Variants in LSM12 observed in about 807,000 individuals in gnomAD.
LSM12 encodes the protein protein LSM12.
For missense variants in LSM12, 108 were observed against 238.9 expected, an observed-to-expected ratio of 0.45 and a Z score of 3.61; for synonymous variants, 74 against 87.3, an observed-to-expected ratio of 0.85 and a Z score of 0.85.
chr17:44,056,140 G>A (rs1041276885), intron 2 of LSM12, among the ~76,000 whole-genome samples: 3 of 151,950 alleles, frequency 2.0e-5, no homozygotes, highest in African/African-American at 7.2e-5. Flanking sequence ...GGGCATGCTG[G>A]TGCATGCCTG....
intron 4 of LSM12, 162 bp downstream of exon 4, chr17:44,037,250 G>C: frequency 1.3e-6 from 1 of 743,456 alleles, no homozygotes; most frequent in South Asian, 2.8e-5. Flanking sequence ...ATTCCCACAG[G>C]ACTGCAGAAC....
chr17:44,061,495 T>C (rs906332018), intron 2 of LSM12, among the ~76,000 whole-genome samples: 1 of 152,140 alleles, frequency 6.6e-6, no homozygotes, highest in African/African-American at 2.4e-5. Flanking sequence ...ACAACACCCA[T>C]ATGAACTCAA....
intron 2 of LSM12, among the ~76,000 whole-genome samples, chr17:44,053,981 G>A (rs2049678569): frequency 2.0e-5 from 3 of 152,260 alleles, no homozygotes; most frequent in South Asian, 4.1e-4. Context: ...GTTTTGAACT[G>A]TCTCCACGTC....
chr17:44,037,162 C>G (rs2049427087), intron 4 of LSM12: 1 of 361,184 alleles, frequency 2.8e-6, no homozygotes, highest in African/African-American at 2.1e-5. Context: ...TACCATGGAA[C>G]AGTCTTCCTA....
chr17:44,045,142 C>T (rs556406143), intron 2 of LSM12, among the ~76,000 whole-genome samples: 49 of 152,232 alleles, frequency 3.2e-4, no homozygotes, highest in African/African-American at 1.1e-3. Context: ...ATTCTCCTGC[C>T]TCAGCCTCCC....
chr17:44,048,018 AACACACACACACACAC>A lies in LSM12; in HGVS notation c.259-7778_259-7763del, dbSNP rs57164806. Among the ~76,000 whole-genome samples the A allele has an allele frequency of 5.9e-3, 808 of 137,480 alleles. 8 individuals carry two copies. Among genetic ancestry groups the A allele is most frequent in the African/African-American group, 0.019 (697 of 37,548 alleles). 90.2% of individuals were successfully genotyped at this position (137,480 alleles called of 152,430 possible). On this transcript the variant is annotated intron_variant, in intron 2 of 4. Coordinates refer to ENST00000293406, the MANE Select transcript of LSM12 (RefSeq NM_001371445.1). ...GACAACATAGACAGTGTCCGTATTA[AACACACACACACACAC>A]ACACACACACACACACACACACACA...
chr17:44,063,244 A>C (rs1168225208), intron 2 of LSM12, among the ~76,000 whole-genome samples: 2 of 152,154 alleles, frequency 1.3e-5, no homozygotes, highest in African/African-American at 4.8e-5. Flanking sequence ...TACACACACA[A>C]AAGTGACTTG....
At chr17:44,041,334 AACAC>A (rs1389054042) in intron 2 of LSM12, among the ~76,000 whole-genome samples, 11 of 104,546 alleles carry the variant, frequency 1.1e-4, no homozygotes, top group Admixed American at 9.7e-4. Flanking sequence ...CACACACACA[AACAC>A]ACACACACAC....
intron 2 of LSM12, among the ~76,000 whole-genome samples, chr17:44,050,064 G>A (rs2049622428): frequency 6.6e-6 from 1 of 152,162 alleles, no homozygotes; most frequent in Non-Finnish European, 1.5e-5. Flanking sequence ...CCTATGTTTT[G>A]AATCTGGGGT....
At chr17:44,050,990 G>A (rs764699379) in intron 2 of LSM12, among the ~76,000 whole-genome samples, 8 of 152,058 alleles carry the variant, frequency 5.3e-5, no homozygotes, top group South Asian at 2.1e-4. Context: ...AATTAGCTGG[G>A]GGGCTGGACG....
intron 4 of LSM12, 139 bp from the exon 5 acceptor site, chr17:44,036,439 T>A: frequency 8.9e-7 from 1 of 1,126,492 alleles, no homozygotes; most frequent in South Asian, 1.5e-5. Context: ...TTGCTGTCTA[T>A]TGGCCTTCCC....
At chr17:44,055,714 A>G (rs996873387) in intron 2 of LSM12, among the ~76,000 whole-genome samples, 3 of 145,342 alleles carry the variant, frequency 2.1e-5, no homozygotes, top group African/African-American at 7.5e-5. Flanking sequence ...AATATATAAA[A>G]TATATATAAA....
rs576720575 is a variant in LSM12 at position 44,052,642 on chromosome 17, C to G, written c.258+11159G>C. 4.1e-4 allele frequency among the ~76,000 whole-genome samples: 63 copies of G among 151,938 alleles called. 1 individual carries two copies. The highest frequency in any genetic ancestry group is 1.5e-3 in the African/African-American group (61 of 41,468). On this transcript the variant is annotated intron_variant, in intron 2 of 4. Coordinates refer to ENST00000293406, the MANE Select transcript of LSM12 (RefSeq NM_001371445.1). ...GGCATGGTGGCGGGTACCTGTAATC[C>G]CAGCTACTTGGGAGGCTGAGGCAGG...
At chr17:44,065,162 C>A (rs1177739484) in intron 1 of LSM12, among the ~76,000 whole-genome samples, 4 of 151,448 alleles carry the variant, frequency 2.6e-5, no homozygotes, top group Non-Finnish European at 4.4e-5. Flanking sequence ...AAAAGCCGGG[C>A]GGTGGCTCAG....
At position 44,060,058 on chromosome 17, in the gene LSM12, G is replaced by A. The variant is rs779779590; in HGVS notation, c.258+3743C>T. 4.6e-5 allele frequency among the ~76,000 whole-genome samples: 7 copies of A among 152,114 alleles called. 1 individual carries two copies. The highest frequency in any genetic ancestry group is 8.8e-5 in the Non-Finnish European group (6 of 68,016). ...CGGGCGCCTGTAGTCCCAGCTACTC[G>A]GGAGGCTGAGGCAGGAGAATGGCAT... On this transcript the variant is annotated intron_variant, in intron 2 of 4. Transcript: ENST00000293406.
At position 44,034,747 on chromosome 17, in the gene LSM12, A is replaced by G. The variant is rs1462216743; in HGVS notation, c.*1461T>C. 7.5e-6 allele frequency: 1 copy of G among 133,532 alleles called. No individual in the cohort carries two copies. The highest frequency in any genetic ancestry group is 1.6e-5 in the Non-Finnish European group (1 of 62,996). 8.3% of individuals were successfully genotyped at this position (133,532 alleles called of 1,614,324 possible). A position where few individuals can be genotyped will look rare whatever the true frequency, so the allele number is the denominator to read the frequency against. ...TAATTTGATCCATTTATTTAATTAA[A>G]AAAAAAAGGAAGGGGAAAGAGATCA... is the stretch of plus-strand genomic sequence containing the variant. On this transcript the variant is annotated 3_prime_UTR_variant, in exon 5 of 5. Transcript: ENST00000293406.
rs113543595 is a variant in LSM12 at position 44,050,516 on chromosome 17, AT to A, written c.259-10261del. Among the ~76,000 whole-genome samples the A allele has an allele frequency of 4.6e-3, 644 of 139,466 alleles. 2 individuals carry two copies. Among genetic ancestry groups the A allele is most frequent in the African/African-American group, 8.7e-3 (331 of 38,152 alleles). The allele number at this position is 139,466 out of a possible 152,430, so 91.5% of individuals were successfully genotyped here. On this transcript the variant is annotated intron_variant, in intron 2 of 4. Coordinates refer to ENST00000293406, the MANE Select transcript of LSM12 (RefSeq NM_001371445.1). The stretch of plus-strand genomic sequence containing the variant: ...CCTAGCTGAAAGCTTGTGCCTGAAC[AT>A]TTTTTTTTTTTTTGAGATGGAGTCT...
chr17:44,046,816 C>T (rs1414151916), intron 2 of LSM12, among the ~76,000 whole-genome samples: 5 of 145,962 alleles, frequency 3.4e-5, no homozygotes, highest in African/African-American at 1.0e-4. Context: ...CTGCAACCTC[C>T]GCCTCTGGGG....
chr17:44,036,225 C>G lies in LSM12; in HGVS notation c.571G>C (p.Ala191Pro), dbSNP rs769383644. ...GTACGGACTCAGGATGACAGGGCAG[C>G]CTCCTTCTGTGGTTGCTGGGCTTGT... is the stretch of plus-strand genomic sequence containing the variant. The part of the protein sequence containing the change: ...RSQAQQPQKE[A>P]ALSS The change falls in exon 5 of 5, where the codon GCT becomes CCT. Residue 191 changes from alanine to proline, a missense_variant. By Grantham distance (27) the Ala-to-Pro change is conservative (BLOSUM62 -1). Transcript: ENST00000293406. 6.2e-7 allele frequency: 1 copy of G among 1,612,982 alleles called. No homozygotes were observed. Among genetic ancestry groups the G allele is most frequent in the Non-Finnish European group, 8.5e-7 (1 of 1,179,776 alleles).
Sources: allele counts gnomAD v4.1 joint callset (sites outside exome capture counted in the v4.1 genomes callset), GRCh38; gene constraint gnomAD v4.1.1; transcripts MANE v1.5; gene names NCBI Gene and HGNC (gene_info 2026-07-23, HGNC 2026-07-21).